The following NRG1 variants were observed in gnomAD, a reference collection of about 807,000 sequenced individuals.
The protein encoded by NRG1 is neuregulin 1.
A neutral mutation model predicts 63.8 loss-of-function variants in NRG1; 18 were observed. The ratio of observed to expected loss-of-function variants is 0.28; its 90% confidence interval spans 0.19 to 0.42. The LOEUF (loss-of-function observed/expected upper bound fraction) is 0.42. Ranked by LOEUF, NRG1 falls within the 10% of genes least tolerant of loss-of-function variation. The probability of loss-of-function intolerance (pLI) is 1.00; values close to 1 mark genes in which losing one functional copy is unlikely to be tolerated. For missense variants in NRG1, 762 were observed against 814.7 expected, an observed-to-expected ratio of 0.94 and a Z score of 0.79; for synonymous variants, 302 against 301.3, an observed-to-expected ratio of 1.00 and a Z score of -0.02.
intron 1 of NRG1, among the ~76,000 whole-genome samples, chr8:32,048,274 T>C (rs1821340850): frequency 6.6e-6 from 1 of 150,906 alleles, no homozygotes; most frequent in Non-Finnish European, 1.5e-5. Flanking sequence ...TATGTATATA[T>C]ATGTATACAT....
chr8:32,111,044 G>A (rs753680903), intron 1 of NRG1, among the ~76,000 whole-genome samples: 12 of 152,128 alleles, frequency 7.9e-5, no homozygotes, highest in Non-Finnish European at 1.6e-4. Context: ...ACAATAGAAG[G>A]TGACATTTTG....
chr8:31,875,684 A>G (rs1459219855), intron 1 of NRG1, among the ~76,000 whole-genome samples: 1 of 152,116 alleles, frequency 6.6e-6, no homozygotes, highest in East Asian at 1.9e-4. Flanking sequence ...GATAGAAACT[A>G]ATTTCTGGAT....
chr8:32,427,418 C>A (rs769241103), intron 1 of NRG1, among the ~76,000 whole-genome samples: 11 of 152,042 alleles, frequency 7.2e-5, no homozygotes, highest in Admixed American at 2.0e-4. Context: ...CCTCTTCTTA[C>A]CAATTTAAAA....
intron 1 of NRG1, among the ~76,000 whole-genome samples, chr8:32,332,080 G>GT (rs2129477682): frequency 6.6e-6 from 1 of 152,054 alleles, no homozygotes; most frequent in Non-Finnish European, 1.5e-5. Context: ...GAACCCAGGA[G>GT]TTTGAGACCA....
chr8:32,226,417 A>T (rs1678238542), intron 1 of NRG1, among the ~76,000 whole-genome samples: 1 of 152,144 alleles, frequency 6.6e-6, no homozygotes, highest in African/African-American at 2.4e-5. Flanking sequence ...TTGGGTAACT[A>T]CTATTCTCAA....
chr8:31,906,267 A>C (rs1187654095), intron 1 of NRG1, among the ~76,000 whole-genome samples: 6 of 152,172 alleles, frequency 3.9e-5, no homozygotes, highest in Non-Finnish European at 8.8e-5. Flanking sequence ...CCATGTGGCT[A>C]TTTACGACAT....
chr8:32,328,664 G>A (rs1802288152), intron 1 of NRG1, among the ~76,000 whole-genome samples: 1 of 152,086 alleles, frequency 6.6e-6, no homozygotes, highest in Admixed American at 6.6e-5. Flanking sequence ...AGCAGAAAAT[G>A]TAATTTTTTT....
rs1563460217 is a variant in NRG1 at position 32,434,981 on chromosome 8, G to C, written c.38-160847G>C. 3.9e-5 allele frequency among the ~76,000 whole-genome samples: 6 copies of C among 152,096 alleles called. No individual in the cohort carries two copies. In the South Asian group the frequency reaches 1.2e-3, roughly 32 times the overall value. Reference sequence around the variant, plus strand: ...TCTGCAGATTTTGATATGGAGGCAGGGGTCCTGGAACCAACATCCCATGGA... The same window carrying C: ...TCTGCAGATTTTGATATGGAGGCAGCGGTCCTGGAACCAACATCCCATGGA... On this transcript the variant is annotated intron_variant, in intron 1 of 10. Coordinates refer to the NRG1 transcript ENST00000519301.
chr8:32,526,222 A>T (rs1191724439), intron 1 of NRG1, among the ~76,000 whole-genome samples: 1 of 152,170 alleles, frequency 6.6e-6, no homozygotes, highest in Non-Finnish European at 1.5e-5. Flanking sequence ...ATCTGCTTGT[A>T]TGCTCCTGGA....
chr8:32,312,239 C>T (rs1406798308), intron 1 of NRG1, among the ~76,000 whole-genome samples: 1 of 142,856 alleles, frequency 7.0e-6, no homozygotes, highest in Admixed American at 7.2e-5. Context: ...TCTCGGCTCA[C>T]TGCATCCTCC....
chr8:31,818,127 A>G (rs1586621633), intron 1 of NRG1, among the ~76,000 whole-genome samples: 1 of 152,320 alleles, frequency 6.6e-6, no homozygotes, highest in East Asian at 1.9e-4. Context: ...GAAAGTAATC[A>G]AAAGATAAGG....
intron 1 of NRG1, among the ~76,000 whole-genome samples, chr8:31,908,845 G>A (rs1327638924): frequency 6.6e-6 from 1 of 152,124 alleles, no homozygotes; most frequent in Non-Finnish European, 1.5e-5. Flanking sequence ...AAATTTTCCA[G>A]AATAGATGAG....
intron 1 of NRG1, among the ~76,000 whole-genome samples, chr8:32,239,909 A>G (rs1354888146): frequency 1.3e-5 from 2 of 152,178 alleles, no homozygotes; most frequent in African/African-American, 4.8e-5. Flanking sequence ...AATAATACCA[A>G]TTGCTGGAGA....
intron 1 of NRG1, among the ~76,000 whole-genome samples, chr8:32,549,323 C>T (rs1833677095): frequency 6.6e-6 from 1 of 152,176 alleles, no homozygotes; most frequent in Admixed American, 6.5e-5. Flanking sequence ...AGCAAGAGGC[C>T]GCGTGGGAAG....
intron 7 of NRG1, among the ~76,000 whole-genome samples, chr8:32,744,353 T>G (rs1337613024): frequency 1.3e-5 from 2 of 152,100 alleles, no homozygotes; most frequent in Non-Finnish European, 2.9e-5. Flanking sequence ...ATTAGTAAAT[T>G]GGCATTGCAA....
At chr8:32,356,500 C>T (rs902085341) in intron 1 of NRG1, among the ~76,000 whole-genome samples, 2 of 150,272 alleles carry the variant, frequency 1.3e-5, no homozygotes, top group African/African-American at 2.5e-5. Flanking sequence ...CCGGGCCCCA[C>T]CCCGTTGATA....
At chr8:31,933,714 A>G (rs1303345566) in intron 1 of NRG1, among the ~76,000 whole-genome samples, 2 of 152,204 alleles carry the variant, frequency 1.3e-5, no homozygotes, top group African/African-American at 4.8e-5. Context: ...GCTCTTAAAT[A>G]CTTCACTAGA....
rs1278200891 is a variant in NRG1 at position 32,625,786 on chromosome 8, TTC to T, written c.502+8903_502+8904del. Among the ~76,000 whole-genome samples, 1,254 of 133,812 alleles carry T rather than the reference TTC, an allele frequency of 9.4e-3. 6 individuals carry two copies. The highest frequency in any genetic ancestry group is 0.03 in the African/African-American group (1,116 of 37,814). 87.8% of individuals were successfully genotyped at this position (133,812 alleles called of 152,430 possible). ...AAACTTTCCCTCTCTTTTTTTTTTT[TTC>T]TTTTTTCTTTTTTTTTTTTTTCTTG... On this transcript the variant is annotated intron_variant, in intron 5 of 11. Transcript: ENST00000356819.
intron 1 of NRG1, among the ~76,000 whole-genome samples, chr8:32,428,797 C>A (rs999634685): frequency 6.6e-6 from 1 of 152,200 alleles, no homozygotes; most frequent in African/African-American, 2.4e-5. Flanking sequence ...GACCCCTGAC[C>A]TCCCTTGAAG....
Sources: allele counts gnomAD v4.1 joint callset (sites outside exome capture counted in the v4.1 genomes callset), GRCh38; gene constraint gnomAD v4.1.1; transcripts MANE v1.5; gene names NCBI Gene and HGNC (gene_info 2026-07-23, HGNC 2026-07-21).